Variants in CUL1 observed in about 807,000 individuals in gnomAD.
CUL1 encodes cullin 1, also known as cullin-1.
A neutral mutation model predicts 118.0 loss-of-function variants in CUL1; 24 were observed. That is an observed-to-expected ratio of 0.20 (90% confidence interval 0.15 to 0.29). The LOEUF (loss-of-function observed/expected upper bound fraction) is 0.29. CUL1 is among the 10% of genes least tolerant of loss of function. The pLI, the probability that CUL1 is intolerant of heterozygous loss-of-function variation, is 1.00. For missense variants in CUL1, 361 were observed against 933.8 expected, an observed-to-expected ratio of 0.39 and a Z score of 7.99; for synonymous variants, 332 against 340.4, an observed-to-expected ratio of 0.98 and a Z score of 0.27.
Position 148,730,065 on chromosome 7 carries a change from A to G in CUL1, c.-58A>G. On this transcript the variant is annotated 5_prime_UTR_variant, in exon 2 of 22. Coordinates refer to ENST00000325222, the MANE Select transcript of CUL1 (RefSeq NM_003592.3). ...ACTGTATATTTTCATCTAATGGAGA[A>G]CTAGCTGTACTTTGAATAAGGATTG... is the stretch of plus-strand genomic sequence containing the variant. The G allele has an allele frequency of 6.4e-7, 1 of 1,559,820 alleles. No homozygotes were observed.
chr7:148,745,016 C>T (rs530878144), intron 2 of CUL1, among the ~76,000 whole-genome samples: 3 of 152,028 alleles, frequency 2.0e-5, no homozygotes, highest in South Asian at 2.1e-4. Context: ...TTTCCCTGTC[C>T]GCTTTCAAGA....
chr7:148,725,228 C>T (rs1183696397), intron 1 of CUL1, among the ~76,000 whole-genome samples: 1 of 150,128 alleles, frequency 6.7e-6, no homozygotes, highest in Non-Finnish European at 1.5e-5. Context: ...CGCTCACACA[C>T]ACACACACAC....
At chr7:148,769,397 T>TCTCACACACA (rs1491139381) in intron 9 of CUL1, among the ~76,000 whole-genome samples, 1 of 129,042 alleles carries the variant, frequency 7.7e-6, no homozygotes, top group Non-Finnish European at 1.6e-5. Flanking sequence ...AGGGCCTGAT[T>TCTCACACACA]CACACACACA....
chr7:148,729,820 T>C (rs1394026993), intron 1 of CUL1, 142 bp from the exon 2 acceptor site: 5 of 258,428 alleles, frequency 1.9e-5, no homozygotes, highest in Non-Finnish European at 3.6e-5. Flanking sequence ...ACAGACCATA[T>C]GGTTAACATG....
chr7:148,708,420 T>C (rs1797953791), intron 1 of CUL1, among the ~76,000 whole-genome samples: 1 of 152,234 alleles, frequency 6.6e-6, no homozygotes, highest in Non-Finnish European at 1.5e-5. Context: ...TCCTCCCCCA[T>C]AACACTATGT....
chr7:148,789,407 C>T (rs1055228091), intron 14 of CUL1, among the ~76,000 whole-genome samples: 5 of 152,006 alleles, frequency 3.3e-5, no homozygotes, highest in African/African-American at 4.8e-5. Context: ...GTGATGATGC[C>T]GGGCCTGGCA....
intron 2 of CUL1, among the ~76,000 whole-genome samples, chr7:148,743,973 T>C (rs2129460012): frequency 6.6e-6 from 1 of 152,292 alleles, no homozygotes; most frequent in Non-Finnish European, 1.5e-5. Context: ...TAGACAAAAA[T>C]ACATTTGCGA....
intron 1 of CUL1, among the ~76,000 whole-genome samples, chr7:148,725,237 A>G (rs1798537242): frequency 6.6e-6 from 1 of 151,880 alleles, no homozygotes; most frequent in Non-Finnish European, 1.5e-5. Flanking sequence ...ACACACACAC[A>G]CACACACACA....
rs1364353702 is a variant in CUL1, at chr7:148,754,038, C to T, written c.203C>T (p.Pro68Leu). 2 of 1,613,874 alleles carry T rather than the reference C, an allele frequency of 1.2e-6. No individual in the cohort carries two copies. Among genetic ancestry groups the T allele is most frequent in the African/African-American group, 1.3e-5 (1 of 74,910 alleles). The change falls in exon 3 of 22, where the codon CCT (proline) becomes CTT (leucine). Residue 68 changes from proline to leucine, a missense_variant. By Grantham distance (98) the Pro-to-Leu change is moderately conservative. Coordinates refer to ENST00000325222, the MANE Select transcript of CUL1 (RefSeq NM_003592.3). ...QSNQARGAGVPPSKSKKGQTP... is the reference protein window; with the variant it reads ...QSNQARGAGVLPSKSKKGQTP... ...AACCAAGCACGAGGAGCTGGAGTTC[C>T]TCCTTCTAAGTCGAAAAAGGGGCAG... is the stretch of plus-strand genomic sequence containing the variant.
intron 16 of CUL1, among the ~76,000 whole-genome samples, chr7:148,791,370 G>A (rs146889647): frequency 2.4e-4 from 36 of 152,296 alleles, no homozygotes; most frequent in East Asian, 9.6e-4. Context: ...TAAACTTTTC[G>A]TAAATCTACT....
chr7:148,769,308 ATTTTTTTAATTTAAAAACT>A (rs1800124369), intron 9 of CUL1, among the ~76,000 whole-genome samples: 1 of 151,412 alleles, frequency 6.6e-6, no homozygotes, highest in Admixed American at 6.6e-5. Context: ...AGTACACATA[ATTTTTTTAATTTAAAAACT>A]CATTTCAAAA....
rs531282410 is a variant in CUL1, at chr7:148,703,007, C to T, written c.-162+3978C>T. Among the ~76,000 whole-genome samples the T allele has an allele frequency of 2.0e-5, 3 of 152,268 alleles. No individual in the cohort carries two copies. In the East Asian group the frequency reaches 5.8e-4, roughly 29 times the overall value. ...ACTTTACAGAATATAGGTGAAGGAGCTGAGACTTTGAGTGGTGCAGGTAAG... is the reference window on the plus strand; with the variant it reads ...ACTTTACAGAATATAGGTGAAGGAGTTGAGACTTTGAGTGGTGCAGGTAAG... On this transcript the variant is annotated intron_variant, in intron 1 of 21. Coordinates refer to ENST00000325222, the MANE Select transcript of CUL1 (RefSeq NM_003592.3).
intron 9 of CUL1, among the ~76,000 whole-genome samples, chr7:148,769,996 A>G (rs1315669750): frequency 2.6e-5 from 4 of 152,248 alleles, no homozygotes; most frequent in East Asian, 1.9e-4. Flanking sequence ...ATAATCAACT[A>G]TGATTCTCAT....
At chr7:148,783,411 C>T in intron 9 of CUL1, 1 of 985,480 alleles carries the variant, frequency 1.0e-6, no homozygotes, top group South Asian at 4.7e-5. Flanking sequence ...GGCGGCTAAA[C>T]GCCTTCTCCA....
chr7:148,706,474 G>T (rs952871927), intron 1 of CUL1, among the ~76,000 whole-genome samples: 3 of 152,042 alleles, frequency 2.0e-5, no homozygotes, highest in African/African-American at 7.2e-5. Context: ...GAAATGAGAG[G>T]GTCTCCTATT....
At chr7:148,715,838 C>T (rs1798197439) in intron 1 of CUL1, among the ~76,000 whole-genome samples, 1 of 152,114 alleles carries the variant, frequency 6.6e-6, no homozygotes, top group Non-Finnish European at 1.5e-5. Flanking sequence ...CTTCTCGTAA[C>T]TTATCTATTT....
At chr7:148,762,622 T>C (rs928057413) in intron 7 of CUL1, among the ~76,000 whole-genome samples, 3 of 152,262 alleles carry the variant, frequency 2.0e-5, no homozygotes, top group African/African-American at 7.2e-5. Flanking sequence ...ACTTCTCTTA[T>C]GAAACTCTGC....
chr7:148,799,476 A>G, intron 21 of CUL1, 88 bp downstream of exon 21: 4 of 873,698 alleles, frequency 4.6e-6, no homozygotes, highest in South Asian at 1.6e-5. Context: ...CTGTAGCATG[A>G]AGGAGGAGGG....
intron 1 of CUL1, among the ~76,000 whole-genome samples, chr7:148,701,159 T>C (rs1797710676): frequency 6.8e-6 from 1 of 148,118 alleles, no homozygotes; most frequent in South Asian, 2.3e-4. Context: ...TTTTAATGAA[T>C]GAGTTTTCTG....
Sources: allele counts gnomAD v4.1 joint callset (sites outside exome capture counted in the v4.1 genomes callset), GRCh38; gene constraint gnomAD v4.1.1; transcripts MANE v1.5; gene names NCBI Gene and HGNC (gene_info 2026-07-23, HGNC 2026-07-21).